The following PPP2R2C variants were observed in gnomAD, a reference collection of about 807,000 sequenced individuals.
The protein encoded by PPP2R2C is protein phosphatase 2, regulatory subunit B, gamma.
Under a neutral mutation model 45.3 loss-of-function variants are expected in PPP2R2C, and 10 were observed. That is an observed-to-expected ratio of 0.22 (90% confidence interval 0.14 to 0.37). The LOEUF (loss-of-function observed/expected upper bound fraction) is 0.37. Among genes scored for constraint, PPP2R2C ranks in the 10% least tolerant of loss-of-function variants. PPP2R2C has a pLI of 1.00. For synonymous variants in PPP2R2C, 257 were observed against 245.4 expected, an observed-to-expected ratio of 1.05 and a Z score of -0.44; for missense variants, 308 against 619.7, an observed-to-expected ratio of 0.50 and a Z score of 5.34.
At chr4:6,354,394 C>A (rs1712947210) in intron 5 of PPP2R2C, among the ~76,000 whole-genome samples, 1 of 152,158 alleles carries the variant, frequency 6.6e-6, no homozygotes, top group African/African-American at 2.4e-5. Context: ...CCTTACCCGT[C>A]TGCTCATCCT....
chr4:6,517,952 C>T (rs1180904694), intron 2 of PPP2R2C, among the ~76,000 whole-genome samples: 1 of 152,156 alleles, frequency 6.6e-6, no homozygotes, highest in East Asian at 1.9e-4. Context: ...GAAAATCTGT[C>T]TCCAGGCAGA....
intron 1 of PPP2R2C, among the ~76,000 whole-genome samples, chr4:6,558,911 T>A (rs1725494124): frequency 6.6e-6 from 1 of 152,198 alleles, no homozygotes; most frequent in Admixed American, 6.5e-5. Flanking sequence ...TTTTCTGACC[T>A]TGCACCCTCA....
rs867589031 is a variant in PPP2R2C at position 6,345,569 on chromosome 4, C to T, written c.790+2277G>A. Among the ~76,000 whole-genome samples, 5 of 152,058 alleles carry T rather than the reference C, an allele frequency of 3.3e-5. No individual in the cohort carries two copies. The highest frequency in any genetic ancestry group is 7.4e-5 in the Non-Finnish European group (5 of 67,978). ...GGTCAGAGACGTGAGAGAGGCTTGG[C>T]CGCTGTGGGCTGGGAGGATGGGGGA... is the stretch of plus-strand genomic sequence containing the variant. On this transcript the variant is annotated intron_variant, in intron 6 of 8. Coordinates refer to ENST00000382599, the MANE Select transcript of PPP2R2C (RefSeq NM_020416.4). This position sits in a 1 kb window ranked among gnomAD's most constrained non-coding sequence, Gnocchi z 5.3.
At chr4:6,422,034 C>T (rs1262929384) in intron 1 of PPP2R2C, among the ~76,000 whole-genome samples, 3 of 148,112 alleles carry the variant, frequency 2.0e-5, no homozygotes, top group South Asian at 4.3e-4. Flanking sequence ...ACGCTGCAGC[C>T]GGATGGCACA....
chr4:6,433,365 G>T (rs1033815014), intron 1 of PPP2R2C, among the ~76,000 whole-genome samples: 2 of 152,136 alleles, frequency 1.3e-5, no homozygotes, highest in African/African-American at 4.8e-5. Flanking sequence ...ATTTCCAGTG[G>T]TGGCATGAGT....
At position 6,326,025 on chromosome 4, in the gene PPP2R2C, G is replaced by A. The variant is rs55872763; in HGVS notation, c.1053-2432C>T. Among the ~76,000 whole-genome samples the A allele has an allele frequency of 2.8e-3, 421 of 152,230 alleles. 1 individual carries two copies. Among genetic ancestry groups the A allele is most frequent in the Non-Finnish European group, 4.8e-3 (324 of 68,030 alleles). ...ACTGCACTCCCTATCCCTGTGAGCG[G>A]TCAATCACAGTGCTCTCCTCGCCCC... On this transcript the variant is annotated intron_variant, in intron 8 of 8. Transcript: ENST00000382599.
intron 1 of PPP2R2C, among the ~76,000 whole-genome samples, chr4:6,386,387 G>C (rs1716213573): frequency 6.6e-6 from 1 of 152,174 alleles, no homozygotes; most frequent in African/African-American, 2.4e-5. Context: ...GGAATGAAGA[G>C]AGCCACCAAG....
chr4:6,378,587 G>C lies in PPP2R2C; in HGVS notation c.169-15C>G. The C allele has an allele frequency of 6.2e-7, 1 of 1,608,656 alleles. No individual in the cohort carries two copies. Among genetic ancestry groups the C allele is most frequent in the Non-Finnish European group, 8.5e-7 (1 of 1,176,588 alleles). On this transcript the variant is annotated splice_polypyrimidine_tract_variant and intron_variant, in intron 2 of 8. Transcript: ENST00000382599. The surrounding 1 kb of genome is among the most constrained non-coding windows in gnomAD (Gnocchi z 5.2). ...GCATTTTTACTCTGCAGGGAAACCC[G>C]GAGAAGGGGCCTGAGCACCGTGACC...
intron 3 of PPP2R2C, among the ~76,000 whole-genome samples, chr4:6,377,702 C>T (rs1473410961): frequency 1.3e-5 from 2 of 152,084 alleles, no homozygotes; most frequent in African/African-American, 2.4e-5. Context: ...CCTACCCGAC[C>T]CCAGGCTGCC....
At chr4:6,481,568 C>A (rs1247331684) in intron 2 of PPP2R2C, among the ~76,000 whole-genome samples, 1 of 152,186 alleles carries the variant, frequency 6.6e-6, no homozygotes, top group African/African-American at 2.4e-5. Context: ...AGCTTTATAA[C>A]AAGTCAATAT....
chr4:6,393,337 G>T (rs1030789749), intron 1 of PPP2R2C, among the ~76,000 whole-genome samples: 21 of 152,178 alleles, frequency 1.4e-4, no homozygotes, highest in Non-Finnish European at 1.5e-5. Flanking sequence ...GAATCATACA[G>T]CAGCACGTGG....
At chr4:6,388,139 C>T (rs765988136) in intron 1 of PPP2R2C, among the ~76,000 whole-genome samples, 100 of 152,320 alleles carry the variant, frequency 6.6e-4, no homozygotes, top group Admixed American at 2.5e-3. Flanking sequence ...GCTGTCCTTC[C>T]CCCCCTGAGG....
intron 5 of PPP2R2C, chr4:6,349,840 G>A (rs951964611): frequency 7.3e-6 from 7 of 957,028 alleles, no homozygotes; most frequent in African/African-American, 1.8e-5. Context: ...GCAGTTAGCC[G>A]AGATCGCACC....
intron 2 of PPP2R2C, among the ~76,000 whole-genome samples, chr4:6,509,937 T>G (rs1338722712): frequency 6.6e-6 from 1 of 152,208 alleles, no homozygotes; most frequent in African/African-American, 2.4e-5. Flanking sequence ...ACCCTCCACG[T>G]GTAACTGATT....
intron 5 of PPP2R2C, among the ~76,000 whole-genome samples, chr4:6,351,699 C>T (rs1200750488): frequency 6.6e-6 from 1 of 152,164 alleles, no homozygotes; most frequent in African/African-American, 2.4e-5. Flanking sequence ...TGCGGCAGGC[C>T]CTCCACAACA....
chr4:6,426,234 C>G (rs1408428879), intron 1 of PPP2R2C, among the ~76,000 whole-genome samples: 2 of 152,226 alleles, frequency 1.3e-5, no homozygotes, highest in African/African-American at 4.8e-5. Flanking sequence ...CGTCCATACT[C>G]ATCACCCTAG....
At chr4:6,540,669 T>C (rs775106120) in intron 1 of PPP2R2C, among the ~76,000 whole-genome samples, 7 of 152,288 alleles carry the variant, frequency 4.6e-5, no homozygotes, top group Non-Finnish European at 1.0e-4. Context: ...CCAAAGTGGC[T>C]ACACCATTTC....
chr4:6,327,480 A>G (rs2109155952), intron 8 of PPP2R2C, among the ~76,000 whole-genome samples: 1 of 152,306 alleles, frequency 6.6e-6, no homozygotes, highest in Non-Finnish European at 1.5e-5. Flanking sequence ...TGAAGGAAGG[A>G]CGGGCAGTGG....
chr4:6,377,470 A>G (rs1000520394), intron 3 of PPP2R2C, among the ~76,000 whole-genome samples: 15 of 152,038 alleles, frequency 9.9e-5, no homozygotes, highest in African/African-American at 3.4e-4. Flanking sequence ...AACCTGGCCA[A>G]CATGTAGTGA....
Sources: allele counts gnomAD v4.1 joint callset (sites outside exome capture counted in the v4.1 genomes callset), GRCh38; gene constraint gnomAD v4.1.1; non-coding constraint Gnocchi (gnomAD v3.1); transcripts MANE v1.5; gene names NCBI Gene and HGNC (gene_info 2026-07-23, HGNC 2026-07-21).